The following THSD7B variants were observed in gnomAD, a reference collection of about 807,000 sequenced individuals.
THSD7B encodes thrombospondin type 1 domain containing 7B, also known as thrombospondin type-1 domain-containing protein 7B.
In THSD7B, 138 loss-of-function variants were observed where a neutral mutation model predicts 213.6. The ratio of observed to expected loss-of-function variants is 0.65; its 90% CI spans 0.56 to 0.74. THSD7B has a LOEUF of 0.74. Among genes scored for constraint, THSD7B ranks in the 30% least tolerant of loss-of-function variants. THSD7B has a pLI of 0.00. For missense variants in THSD7B, 1,931 were observed against 1,991.5 expected (o/e 0.97, Z 0.58); for synonymous variants, 742 against 687.0 (o/e 1.08, Z -1.25).
At chr2:137,266,694 A>G (rs1017400699) in intron 10 of THSD7B, among the ~76,000 whole-genome samples, 2 of 152,188 alleles carry the variant, frequency 1.3e-5, no homozygotes, top group South Asian at 2.1e-4. Context: ...ACTGCCATGC[A>G]TTGCTGGTAC....
chr2:137,409,883 A>C (rs751178548), intron 13 of THSD7B, among the ~76,000 whole-genome samples: 2 of 152,188 alleles, frequency 1.3e-5, no homozygotes, highest in Non-Finnish European at 2.9e-5. Context: ...GGAATAAAAG[A>C]TATTCCAGGG....
intron 15 of THSD7B, among the ~76,000 whole-genome samples, chr2:137,521,330 G>T (rs951980850): frequency 6.6e-6 from 1 of 152,058 alleles, no homozygotes; most frequent in Non-Finnish European, 1.5e-5. Flanking sequence ...GTAGTGGGGA[G>T]GGGGGGCTGT....
At chr2:137,320,688 C>G (rs567242167) in intron 12 of THSD7B, among the ~76,000 whole-genome samples, 86 of 152,316 alleles carry the variant, frequency 5.6e-4, no homozygotes, top group African/African-American at 2.0e-3. Context: ...CACTAACCAT[C>G]TAAAAAGTGC....
rs975971192 is a variant in THSD7B, at chr2:137,677,010, C to T, written c.*405C>T. ...GAGTCTGACACTGCATTGTTACGCA[C>T]TATATTAGTGCAAAGTCTTTATTCT... On this transcript the variant is annotated 3_prime_UTR_variant, in exon 28 of 28. Transcript: ENST00000409968. 6.3e-6 allele frequency: 1 copy of T among 157,544 alleles called. No homozygotes were observed. Among genetic ancestry groups the T allele is most frequent in the Admixed American group, 6.5e-5 (1 of 15,406 alleles). 9.8% of individuals were successfully genotyped at this position (157,544 alleles called of 1,614,324 possible).
At chr2:136,843,501 AG>A (rs1298556863) in intron 1 of THSD7B, among the ~76,000 whole-genome samples, 13 of 152,224 alleles carry the variant, frequency 8.5e-5, no homozygotes, top group Non-Finnish European at 1.0e-4. Flanking sequence ...TTACCATTCA[AG>A]AGAAGAGTAC....
At chr2:137,313,324 T>C (rs1366199728) in intron 12 of THSD7B, among the ~76,000 whole-genome samples, 1 of 152,120 alleles carries the variant, frequency 6.6e-6, no homozygotes, top group Non-Finnish European at 1.5e-5. Context: ...AGATGAGGAT[T>C]GCAACCCCTG....
chr2:137,315,703 T>A (rs1359884280), intron 12 of THSD7B, among the ~76,000 whole-genome samples: 1 of 152,182 alleles, frequency 6.6e-6, no homozygotes, highest in African/African-American at 2.4e-5. Flanking sequence ...AATTACTGTG[T>A]TTAGATGGAA....
intron 9 of THSD7B, among the ~76,000 whole-genome samples, chr2:137,240,836 T>C (rs1188036254): frequency 2.6e-5 from 4 of 152,200 alleles, no homozygotes; most frequent in African/African-American, 9.7e-5. Flanking sequence ...ATTTGGACAG[T>C]CCCTGTATTT....
At chr2:137,412,596 T>TAA (rs1686684940) in intron 14 of THSD7B, among the ~76,000 whole-genome samples, 1 of 30,594 alleles carries the variant, frequency 3.3e-5, no homozygotes, top group East Asian at 1.7e-3. Flanking sequence ...AAACTCTGTC[T>TAA]CAAAAAAAAA....
intron 14 of THSD7B, among the ~76,000 whole-genome samples, chr2:137,447,616 A>G (rs1303300562): frequency 6.6e-6 from 1 of 152,148 alleles, no homozygotes; most frequent in Non-Finnish European, 1.5e-5. Flanking sequence ...TTAGAGGATT[A>G]GTCTTTTACG....
chr2:137,470,138 G>A (rs1013455676), intron 15 of THSD7B, among the ~76,000 whole-genome samples: 2 of 152,126 alleles, frequency 1.3e-5, no homozygotes, highest in Non-Finnish European at 2.9e-5. Flanking sequence ...AAGCAGAAGA[G>A]TTTTATGCCC....
chr2:137,173,404 G>A (rs1405169806), intron 7 of THSD7B, among the ~76,000 whole-genome samples: 1 of 152,164 alleles, frequency 6.6e-6, no homozygotes, highest in Admixed American at 6.5e-5. Context: ...TTGGAGGGTT[G>A]TCATGATATC....
chr2:137,369,021 A>C (rs1215254161), intron 12 of THSD7B, among the ~76,000 whole-genome samples: 1 of 151,782 alleles, frequency 6.6e-6, no homozygotes, highest in African/African-American at 2.4e-5. Context: ...TGTTAAAGCA[A>C]AAAATAATTT....
chr2:137,103,564 C>A (rs1688188070), intron 4 of THSD7B, among the ~76,000 whole-genome samples: 1 of 151,942 alleles, frequency 6.6e-6, no homozygotes, highest in South Asian at 2.1e-4. Flanking sequence ...AGGCTAAATG[C>A]CCCAATTAAA....
At chr2:137,382,017 G>T (rs1685788102) in intron 12 of THSD7B, among the ~76,000 whole-genome samples, 1 of 152,198 alleles carries the variant, frequency 6.6e-6, no homozygotes, top group South Asian at 2.1e-4. Flanking sequence ...ATATATTCTG[G>T]GGGTGGATGT....
At chr2:137,250,804 A>G (rs1682157422) in intron 10 of THSD7B, among the ~76,000 whole-genome samples, 1 of 152,188 alleles carries the variant, frequency 6.6e-6, no homozygotes, top group Non-Finnish European at 1.5e-5. Flanking sequence ...GAAGGCAAGA[A>G]AAGTCTGATT....
chr2:137,152,006 ATTTTTTTT>A lies in THSD7B; in HGVS notation c.1370-8194_1370-8187del, dbSNP rs201462563. ...CTTCCCCAGTTTCAAAGCTACCTTAATTTTTTTTTTTTTTTTTTTTGTCATTCTTTGCC... is the reference window on the plus strand; with the variant it reads ...CTTCCCCAGTTTCAAAGCTACCTTAATTTTTTTTTTTTGTCATTCTTTGCC... On this transcript the variant is annotated intron_variant, in intron 5 of 27. Transcript: ENST00000409968. 1.8e-3 allele frequency among the ~76,000 whole-genome samples: 254 copies of A among 137,636 alleles called. 2 individuals carry two copies. Among genetic ancestry groups the A allele is most frequent in the African/African-American group, 6.6e-3 (247 of 37,328 alleles). 90.3% of individuals were successfully genotyped at this position (137,636 alleles called of 152,430 possible).
intron 12 of THSD7B, among the ~76,000 whole-genome samples, chr2:137,386,981 G>C (rs989246928): frequency 6.6e-6 from 1 of 152,100 alleles, no homozygotes; most frequent in Non-Finnish European, 1.5e-5. Flanking sequence ...TTGTGCCAGG[G>C]CATTCTTTTT....
At chr2:136,871,664 A>G (rs1162389581) in intron 1 of THSD7B, among the ~76,000 whole-genome samples, 3 of 152,242 alleles carry the variant, frequency 2.0e-5, no homozygotes, top group African/African-American at 7.2e-5. Flanking sequence ...TGATACCTTC[A>G]GAATCAGGTA....
Sources: gnomAD v4.1 joint callset for allele counts (sites outside exome capture counted in the v4.1 genomes callset) on GRCh38, gnomAD v4.1.1 for gene constraint, MANE v1.5 for transcripts, NCBI Gene and HGNC (gene_info 2026-07-23, HGNC 2026-07-21) for gene names.